The following RBFOX1 variants were observed in gnomAD, a reference collection of about 807,000 sequenced individuals.
RBFOX1 encodes RNA binding fox-1 homolog 1, also known as RNA binding protein fox-1 homolog 1.
Under a neutral mutation model 57.7 loss-of-function variants are expected in RBFOX1, and 8 were observed. That is an observed-to-expected ratio of 0.14 (90% confidence interval 0.08 to 0.25). The LOEUF (loss-of-function observed/expected upper bound fraction) is 0.25. Among genes scored for constraint, RBFOX1 ranks in the 10% least tolerant of loss-of-function variants. The probability of loss-of-function intolerance (pLI) is 1.00; values close to 1 mark genes in which losing one functional copy is unlikely to be tolerated. For missense variants in RBFOX1, 611 were observed against 548.5 expected (o/e 1.11, Z -1.14); for synonymous variants, 326 against 222.4 (o/e 1.47, Z -4.15).
chr16:5,960,881 G>T (rs550520078), intron 4 of RBFOX1, among the ~76,000 whole-genome samples: 1 of 152,212 alleles, frequency 6.6e-6, no homozygotes, highest in Admixed American at 6.5e-5. Context: ...TTGATAGGCT[G>T]TTGACAGAGT....
intron 1 of RBFOX1, among the ~76,000 whole-genome samples, chr16:5,278,186 A>G (rs537091544): frequency 6.6e-6 from 1 of 152,272 alleles, no homozygotes; most frequent in South Asian, 2.1e-4. Context: ...TGTCTTTTTA[A>G]TAATAGCCAT....
chr16:7,400,571 T>C (rs2098224373), intron 4 of RBFOX1, among the ~76,000 whole-genome samples: 1 of 152,210 alleles, frequency 6.6e-6, no homozygotes, highest in Non-Finnish European at 1.5e-5. Context: ...CAGTTTGTAT[T>C]ACCATCTCCC....
At chr16:7,249,700 A>C (rs1262905400) in intron 4 of RBFOX1, among the ~76,000 whole-genome samples, 2 of 151,894 alleles carry the variant, frequency 1.3e-5, no homozygotes, top group Admixed American at 6.6e-5. Context: ...TTTTTGGCAC[A>C]GTCCCAATTG....
chr16:7,466,821 G>A (rs761176723), intron 4 of RBFOX1, among the ~76,000 whole-genome samples: 7 of 152,182 alleles, frequency 4.6e-5, no homozygotes, highest in Non-Finnish European at 8.8e-5. Context: ...CTAGGTTGGG[G>A]ACACCATACT....
At chr16:7,330,177 C>T (rs770159161) in intron 4 of RBFOX1, among the ~76,000 whole-genome samples, 1 of 152,050 alleles carries the variant, frequency 6.6e-6, no homozygotes, top group Non-Finnish European at 1.5e-5. Flanking sequence ...CCTCAGATAC[C>T]AAAATCTGCA....
chr16:6,701,792 C>T (rs2061893548), intron 3 of RBFOX1, among the ~76,000 whole-genome samples: 2 of 152,084 alleles, frequency 1.3e-5, no homozygotes, highest in South Asian at 2.1e-4. Context: ...GAAATCGTGT[C>T]CTTTGCAGCA....
intron 15 of RBFOX1, chr16:7,709,525 G>C (rs758913414): frequency 6.5e-7 from 1 of 1,533,268 alleles, no homozygotes; most frequent in Non-Finnish European, 8.7e-7. Flanking sequence ...ACAGACTTCA[G>C]AGGAGCTAAG....
chr16:5,855,973 A>ATTTTTT (rs1345697876), intron 3 of RBFOX1, among the ~76,000 whole-genome samples: 2 of 81,196 alleles, frequency 2.5e-5, no homozygotes, highest in Non-Finnish European at 5.3e-5. Flanking sequence ...TATGTATGTT[A>ATTTTTT]TTCTTTTTTT....
chr16:5,943,711 A>G (rs189847745), intron 4 of RBFOX1, among the ~76,000 whole-genome samples: 10 of 152,340 alleles, frequency 6.6e-5, no homozygotes, highest in Non-Finnish European at 1.3e-4. Context: ...AAGAGGCTGA[A>G]TGTATCAACA....
chr16:7,171,167 A>G (rs947172903), intron 4 of RBFOX1, among the ~76,000 whole-genome samples: 12 of 152,192 alleles, frequency 7.9e-5, no homozygotes, highest in African/African-American at 2.4e-4. Flanking sequence ...CCAGTCGGCA[A>G]TTGGCGAGGA....
chr16:5,599,170 A>C (rs1200213571), exon 3 of RBFOX1: 3 of 705,910 alleles, frequency 4.2e-6, no homozygotes, highest in Non-Finnish European at 7.7e-6. Flanking sequence ...CCTCTGGTAC[A>C]TGGTGTGAGA....
intron 6 of RBFOX1, among the ~76,000 whole-genome samples, chr16:7,580,593 A>T (rs905230791): frequency 2.6e-5 from 4 of 152,204 alleles, no homozygotes; most frequent in African/African-American, 9.6e-5. Context: ...CACCATGGTG[A>T]AACACAGAGC....
chr16:6,497,634 G>A (rs2095807733), intron 2 of RBFOX1, among the ~76,000 whole-genome samples: 1 of 151,474 alleles, frequency 6.6e-6, no homozygotes, highest in South Asian at 2.1e-4. Context: ...TTGGCTTACT[G>A]CAACCTCTGC....
chr16:5,452,466 C>T (rs989070866), intron 1 of RBFOX1, among the ~76,000 whole-genome samples: 1 of 151,912 alleles, frequency 6.6e-6, no homozygotes, highest in Non-Finnish European at 1.5e-5. Context: ...CTACAGATTT[C>T]ACTTCTTAAA....
At chr16:7,454,610 G>C (rs1329944733) in intron 4 of RBFOX1, among the ~76,000 whole-genome samples, 1 of 152,208 alleles carries the variant, frequency 6.6e-6, no homozygotes, top group Non-Finnish European at 1.5e-5. Context: ...ACACAAAGAT[G>C]TGTGGTATCA....
chr16:6,551,146 A>G (rs2096982480), intron 2 of RBFOX1, among the ~76,000 whole-genome samples: 1 of 152,122 alleles, frequency 6.6e-6, no homozygotes, highest in Non-Finnish European at 1.5e-5. Flanking sequence ...ACACAAAGCA[A>G]AGGGCTTCCC....
rs59325877 is a variant in RBFOX1, at chr16:5,778,960, C to T, written c.319-88343C>T. Among the ~76,000 whole-genome samples, 690 of 152,180 alleles carry T rather than the reference C, an allele frequency of 4.5e-3. 6 individuals carry two copies. The highest frequency in any genetic ancestry group is 0.015 in the African/African-American group (633 of 41,502). Reference sequence around the variant, plus strand: ...CTCAATTTTTTTTATTCATTAAGCCCCTCATCCATTGATCTATTCATTAAC... The same window carrying T: ...CTCAATTTTTTTTATTCATTAAGCCTCTCATCCATTGATCTATTCATTAAC... On this transcript the variant is annotated intron_variant, in intron 3 of 19. Transcript: ENST00000641259.
intron 5 of RBFOX1, among the ~76,000 whole-genome samples, chr16:7,561,759 T>C (rs1567836677): frequency 6.6e-6 from 1 of 152,210 alleles, no homozygotes; most frequent in Non-Finnish European, 1.5e-5. Context: ...AGTGCCATCT[T>C]AAATTCATCA....
chr16:7,007,357 A>G (rs1450348423), intron 3 of RBFOX1, among the ~76,000 whole-genome samples: 1 of 152,124 alleles, frequency 6.6e-6, no homozygotes, highest in African/African-American at 2.4e-5. Flanking sequence ...TATGTACCTC[A>G]TTGCAGCTGG....
Sources: allele counts gnomAD v4.1 joint callset (sites outside exome capture counted in the v4.1 genomes callset), GRCh38; gene constraint gnomAD v4.1.1; transcripts MANE v1.5; gene names NCBI Gene and HGNC (gene_info 2026-07-23, HGNC 2026-07-21).